The following FMN1 variants were observed in gnomAD, a reference collection of about 807,000 sequenced individuals.
FMN1 encodes formin-1.
A neutral mutation model predicts 132.4 loss-of-function variants in FMN1; 110 were observed. The ratio of observed to expected loss-of-function variants is 0.83; its 90% confidence interval spans 0.71 to 0.97. The LOEUF (loss-of-function observed/expected upper bound fraction) is 0.97. Among genes scored for constraint, FMN1 ranks in the 50% least tolerant of loss-of-function variants. The pLI is 0.00. For missense variants in FMN1, 1,792 were observed against 1,705.3 expected, an observed-to-expected ratio of 1.05 and a Z score of -0.90; for synonymous variants, 722 against 651.7, an observed-to-expected ratio of 1.11 and a Z score of -1.64.
intron 16 of FMN1, among the ~76,000 whole-genome samples, chr15:32,863,021 AT>A (rs34284128): frequency 6.6e-6 from 1 of 152,192 alleles, no homozygotes; most frequent in Admixed American, 6.6e-5. Context: ...AACATATGGA[AT>A]TTTTTTACTA....
At chr15:33,058,315 C>A (rs2037328482) in intron 6 of FMN1, among the ~76,000 whole-genome samples, 1 of 152,148 alleles carries the variant, frequency 6.6e-6, no homozygotes, top group African/African-American at 2.4e-5. Context: ...GTATCGACCT[C>A]ATTCTAATCT....
chr15:32,950,973 CT>C (rs1434490414), intron 9 of FMN1, among the ~76,000 whole-genome samples: 1 of 150,896 alleles, frequency 6.6e-6, no homozygotes, highest in African/African-American at 2.4e-5. Context: ...ATTTGGAGAA[CT>C]TTTGCTTTTT....
At chr15:32,788,433 G>A (rs1176549244) in intron 19 of FMN1, among the ~76,000 whole-genome samples, 1 of 152,192 alleles carries the variant, frequency 6.6e-6, no homozygotes, top group Admixed American at 6.5e-5. Context: ...GCAGATGCAA[G>A]CTCCCCCTTT....
At position 32,838,650 on chromosome 15, in the gene FMN1, C is replaced by T. The variant is rs923710472; in HGVS notation, c.3928+18365G>A. On this transcript the variant is annotated intron_variant, in intron 17 of 20. Transcript: ENST00000616417. ...GCAACTGGGTGACCTCTGTTGTCAGCATTTGGCTAATTAAGGAAAGATATT... is the reference window on the plus strand; with the variant it reads ...GCAACTGGGTGACCTCTGTTGTCAGTATTTGGCTAATTAAGGAAAGATATT... 2.6e-5 allele frequency among the ~76,000 whole-genome samples: 4 copies of T among 152,322 alleles called. 1 individual carries two copies. The highest frequency in any genetic ancestry group is 6.8e-3 in the Middle Eastern group (2 of 294).
At chr15:32,970,791 T>TA (rs56248146) in intron 7 of FMN1, 75,392 of 149,090 alleles carry the variant, frequency 0.51, 20,351 homozygotes, top group East Asian at 0.73. Context: ...TGTCTGGTGT[T>TA]AAAAAAAAAA....
intron 17 of FMN1, among the ~76,000 whole-genome samples, chr15:32,840,831 A>G (rs1466677770): frequency 6.6e-6 from 1 of 152,140 alleles, no homozygotes; most frequent in Admixed American, 6.5e-5. Context: ...CCGAAAAGAA[A>G]ATGTGCACAC....
chr15:32,924,117 T>C (rs933964353), intron 10 of FMN1, among the ~76,000 whole-genome samples: 1 of 152,218 alleles, frequency 6.6e-6, no homozygotes, highest in Non-Finnish European at 1.5e-5. Flanking sequence ...TGTGAATTTT[T>C]CAGAAACTCA....
intron 4 of FMN1, among the ~76,000 whole-genome samples, chr15:33,090,480 T>C (rs1380897713): frequency 6.6e-6 from 1 of 152,194 alleles, no homozygotes; most frequent in Non-Finnish European, 1.5e-5. Context: ...ACAGTGTGTC[T>C]ATAGTTGCCC....
At chr15:33,164,204 A>G (rs11072278) in intron 3 of FMN1, among the ~76,000 whole-genome samples, 55,087 of 152,102 alleles carry the variant, frequency 0.36, 11,777 homozygotes, top group Admixed American at 0.46. Flanking sequence ...GTTTTCTTCA[A>G]AAAGTCTGTA....
In FMN1 at chr15:32,936,095, T is replaced by A. The variant is rs1370049696; in HGVS notation, c.3139-9834A>T. Among the ~76,000 whole-genome samples the A allele has an allele frequency of 2.6e-5, 4 of 152,238 alleles. No homozygotes were observed. The East Asian group carries it at 7.7e-4, about 29-fold the overall frequency. ...CCAATATTTGTTTGGTTCTTCATAA[T>A]ATTTTCTATTTCTTTGTTGATACTG... On this transcript the variant is annotated intron_variant, in intron 9 of 20. Transcript: ENST00000616417.
At chr15:32,815,541 A>C (rs964010146) in intron 17 of FMN1, among the ~76,000 whole-genome samples, 1 of 152,242 alleles carries the variant, frequency 6.6e-6, no homozygotes, top group Admixed American at 6.5e-5. Context: ...GAGCTATACA[A>C]AACTTAAGAA....
At position 33,163,925 on chromosome 15, in the gene FMN1, G is replaced by GT. The variant is rs201526010; in HGVS notation, c.-131-8881dup. Among the ~76,000 whole-genome samples, 1,452 of 151,848 alleles carry GT rather than the reference G, an allele frequency of 9.6e-3. 34 individuals are homozygous for GT. The highest frequency in any genetic ancestry group is 0.033 in the African/African-American group (1,386 of 41,374). Reference sequence around the variant, plus strand: ...AAGCCACTGCGCCTGGCCTGTTTTTGTTTTTTTTGAGACATGGAAAACAGA... The same window carrying GT: ...AAGCCACTGCGCCTGGCCTGTTTTTGTTTTTTTTTGAGACATGGAAAACAGA... On this transcript the variant is annotated intron_variant, in intron 3 of 20. Transcript: ENST00000616417.
At position 32,956,360 on chromosome 15, in the gene FMN1, CTT is replaced by C. The variant is rs68023229; in HGVS notation, c.3138+7745_3138+7746del. 2.6e-4 allele frequency among the ~76,000 whole-genome samples: 39 copies of C among 147,496 alleles called. 1 individual carries two copies. The East Asian group carries it at 2.8e-3, about 11-fold the overall frequency. On this transcript the variant is annotated intron_variant, in intron 9 of 20. Transcript: ENST00000616417. ...TCATATTTGACAAGTCCTAACCACT[CTT>C]TTTTTTTTTTAAAAAAATAAGCAAA...
At chr15:33,073,735 T>TC (rs1240711086) in intron 5 of FMN1, among the ~76,000 whole-genome samples, 2 of 150,022 alleles carry the variant, frequency 1.3e-5, no homozygotes, top group African/African-American at 4.9e-5. Flanking sequence ...CTAGCTTGTT[T>TC]TTTTTTTTTT....
chr15:32,932,382 C>G (rs2061143997), intron 9 of FMN1, among the ~76,000 whole-genome samples: 1 of 152,292 alleles, frequency 6.6e-6, no homozygotes, highest in Non-Finnish European at 1.5e-5. Flanking sequence ...GCCTAGGAAA[C>G]AGAGTGAGAC....
intron 9 of FMN1, among the ~76,000 whole-genome samples, chr15:32,948,363 G>T (rs567414364): frequency 1.3e-5 from 2 of 152,040 alleles, no homozygotes; most frequent in Middle Eastern, 3.4e-3. Flanking sequence ...ATTTATGAGA[G>T]AAATTGTCCT....
chr15:32,856,938 G>A (rs932623288), intron 17 of FMN1, 77 bp downstream of exon 17: 12 of 1,044,878 alleles, frequency 1.1e-5, no homozygotes, highest in East Asian at 9.5e-5. Context: ...GCCAGGGGCC[G>A]TGGGCCTCAG....
chr15:32,860,874 A>G (rs2059252805), intron 16 of FMN1: 1 of 152,162 alleles, frequency 6.6e-6, no homozygotes, highest in African/African-American at 2.4e-5. Context: ...TCATCCCATG[A>G]GTCATAAGCA....
chr15:32,988,841 C>A (rs2140838188), intron 7 of FMN1, among the ~76,000 whole-genome samples: 1 of 152,306 alleles, frequency 6.6e-6, no homozygotes, highest in East Asian at 1.9e-4. Context: ...AGCTCCCCAT[C>A]TATAAAATGA....
Sources: allele counts gnomAD v4.1 joint callset (sites outside exome capture counted in the v4.1 genomes callset), GRCh38; gene constraint gnomAD v4.1.1; transcripts MANE v1.5; gene names NCBI Gene and HGNC (gene_info 2026-07-23, HGNC 2026-07-21).